The following DUSP19 variants were observed in gnomAD, a reference collection of about 807,000 sequenced individuals.
DUSP19 encodes the protein dual specificity protein phosphatase 19.
DUSP19 carries 14 observed loss-of-function variants against 16.6 expected under a neutral mutation model. That is an observed-to-expected ratio of 0.84 (90% CI 0.56 to 1.32). The LOEUF (loss-of-function observed/expected upper bound fraction) is 1.32. Ranked by LOEUF, DUSP19 falls within the 40% of genes most tolerant of loss-of-function variation. DUSP19 has a pLI of 0.00. For missense variants in DUSP19, 258 were observed against 255.9 expected, an observed-to-expected ratio of 1.01 and a Z score of -0.06; for synonymous variants, 81 against 90.5, an observed-to-expected ratio of 0.90 and a Z score of 0.59.
intron 2 of DUSP19, among the ~76,000 whole-genome samples, chr2:183,086,121 C>G (rs1699658949): frequency 1.3e-5 from 2 of 151,904 alleles, no homozygotes; most frequent in Admixed American, 6.6e-5. Flanking sequence ...TACAACCACA[C>G]CTCCCCTTAC....
At chr2:183,090,927 G>A (rs1378307740) in intron 3 of DUSP19, among the ~76,000 whole-genome samples, 1 of 152,208 alleles carries the variant, frequency 6.6e-6, no homozygotes, top group Non-Finnish European at 1.5e-5. Flanking sequence ...AGGGCTGACG[G>A]GGTGCTATCA....
intron 1 of DUSP19, 143 bp from the exon 2 acceptor site, chr2:183,083,365 C>A: frequency 1.5e-6 from 1 of 662,252 alleles, no homozygotes; most frequent in Non-Finnish European, 2.5e-6. Flanking sequence ...TGACTGTTAT[C>A]AAATTGCCCT....
intron 2 of DUSP19, 85 bp downstream of exon 2, chr2:183,083,639 G>A: frequency 8.6e-7 from 1 of 1,156,696 alleles, no homozygotes. Context: ...GTCCATCTTT[G>A]GTATATTATG....
chr2:183,093,806 A>G (rs1215254698), intron 3 of DUSP19, among the ~76,000 whole-genome samples: 2 of 152,186 alleles, frequency 1.3e-5, no homozygotes, highest in Non-Finnish European at 2.9e-5. Context: ...TATAAGCAGG[A>G]AATATTAAAA....
At chr2:183,081,418 T>C (rs1236826726) in intron 1 of DUSP19, among the ~76,000 whole-genome samples, 2 of 152,094 alleles carry the variant, frequency 1.3e-5, no homozygotes, top group African/African-American at 2.4e-5. Context: ...CTAATTTTTT[T>C]GTACTTTTTG....
In DUSP19 at chr2:183,097,108, C is replaced by T. The variant is rs1423216176; in HGVS notation, c.*1450C>T. ...TGGCATGAACACAACGCACTGCAGC[C>T]TCTACCTCCTGGGCTCAAGCAGTCC... On this transcript the variant is annotated 3_prime_UTR_variant, in exon 4 of 4. Transcript: ENST00000354221. 1 of 151,686 alleles carries T rather than the reference C, an allele frequency of 6.6e-6. No homozygotes were observed. The highest frequency in any genetic ancestry group is 1.5e-5 in the Non-Finnish European group (1 of 67,994). 9.4% of individuals were successfully genotyped at this position (151,686 alleles called of 1,614,324 possible). A position where few individuals can be genotyped will look rare whatever the true frequency, so the allele number is the denominator to read the frequency against.
At chr2:183,086,174 C>G (rs570687570) in intron 2 of DUSP19, among the ~76,000 whole-genome samples, 4 of 151,828 alleles carry the variant, frequency 2.6e-5, no homozygotes, top group African/African-American at 9.7e-5. Flanking sequence ...GGTATGAGAC[C>G]CTGTGTTATT....
intron 3 of DUSP19, among the ~76,000 whole-genome samples, chr2:183,091,596 C>T (rs1024851582): frequency 1.3e-5 from 2 of 152,184 alleles, no homozygotes; most frequent in Non-Finnish European, 2.9e-5. Context: ...AAAGGTCACG[C>T]TCCTGTGCAA....
intron 1 of DUSP19, 23 bp downstream of exon 1, chr2:183,079,182 A>G: frequency 6.3e-7 from 1 of 1,597,902 alleles, no homozygotes; most frequent in Non-Finnish European, 8.6e-7. Flanking sequence ...ACTTGCCACT[A>G]GATCATTGAG....
chr2:183,092,638 C>T (rs965805249), intron 3 of DUSP19, among the ~76,000 whole-genome samples: 10 of 150,910 alleles, frequency 6.6e-5, no homozygotes, highest in African/African-American at 9.8e-5. Context: ...TACAGACTAT[C>T]ATTGATTGGC....
chr2:183,091,480 T>C (rs532348802), intron 3 of DUSP19, among the ~76,000 whole-genome samples: 1 of 152,200 alleles, frequency 6.6e-6, no homozygotes, highest in East Asian at 1.9e-4. Context: ...CCACTAGAAG[T>C]TTCCCAATGG....
intron 2 of DUSP19, among the ~76,000 whole-genome samples, chr2:183,086,302 A>G (rs1026149348): frequency 6.6e-6 from 1 of 152,148 alleles, no homozygotes; most frequent in African/African-American, 2.4e-5. Flanking sequence ...GAAGTTGTAT[A>G]CCACTGATAC....
chr2:183,079,276 T>C, intron 1 of DUSP19, 117 bp downstream of exon 1: 1 of 1,051,678 alleles, frequency 9.5e-7, no homozygotes, highest in Non-Finnish European at 1.4e-6. Context: ...AAAGCTGAAC[T>C]GTTTCCTTTT....
At chr2:183,086,952 CTTG>C (rs1187364818) in intron 2 of DUSP19, 85 bp from the exon 3 acceptor site, 1 of 1,328,352 alleles carries the variant, frequency 7.5e-7, no homozygotes, top group Non-Finnish European at 1.0e-6. Context: ...TTTTACCTTT[CTTG>C]TTATAGATAT....
intron 2 of DUSP19, among the ~76,000 whole-genome samples, chr2:183,086,027 T>A (rs994825312): frequency 6.6e-6 from 1 of 151,770 alleles, no homozygotes; most frequent in African/African-American, 2.4e-5. Context: ...TCCACATGGT[T>A]GGTGGACTCT....
chr2:183,078,872 G>T lies in DUSP19; in HGVS notation c.-62G>T. The T allele has an allele frequency of 6.7e-7, 1 of 1,501,432 alleles. No homozygotes were observed. The highest frequency in any genetic ancestry group is 2.3e-5 in the East Asian group (1 of 42,766). The allele number at this position is 1,501,432 out of a possible 1,614,324, so 93.0% of individuals were successfully genotyped here. A position where few individuals can be genotyped will look rare whatever the true frequency, so the allele number is the denominator to read the frequency against. ...TTACCTGGGCAATAAGGGACTAGCA[G>T]TTCAGCCGTTTTCTATGCCTGCTGG... On this transcript the variant is annotated 5_prime_UTR_variant, in exon 1 of 4. Coordinates refer to ENST00000354221, the MANE Select transcript of DUSP19 (RefSeq NM_080876.4).
intron 3 of DUSP19, among the ~76,000 whole-genome samples, chr2:183,092,490 T>C (rs1017584265): frequency 1.3e-5 from 2 of 152,016 alleles, no homozygotes; most frequent in African/African-American, 4.8e-5. Flanking sequence ...AGACATGCAG[T>C]GTTTGGTTTT....
intron 3 of DUSP19, among the ~76,000 whole-genome samples, chr2:183,089,629 C>G (rs895098393): frequency 9.2e-5 from 14 of 152,180 alleles, no homozygotes; most frequent in Non-Finnish European, 2.1e-4. Context: ...GGAGAGCAGT[C>G]AGCCATGGAG....
intron 2 of DUSP19, among the ~76,000 whole-genome samples, chr2:183,085,554 A>G (rs1293746084): frequency 6.6e-6 from 1 of 152,014 alleles, no homozygotes; most frequent in Non-Finnish European, 1.5e-5. Flanking sequence ...CCATATTGCA[A>G]AAGATTGAGA....
Sources: allele counts gnomAD v4.1 joint callset (sites outside exome capture counted in the v4.1 genomes callset), GRCh38; gene constraint gnomAD v4.1.1; transcripts MANE v1.5; gene names NCBI Gene and HGNC (gene_info 2026-07-23, HGNC 2026-07-21).